Variants in RRAS2 observed in about 807,000 individuals in gnomAD.
The protein encoded by RRAS2 is RAS related 2.
A neutral mutation model predicts 27.6 loss-of-function variants in RRAS2; 7 were observed. The observed-to-expected ratio is 0.25, with a 90% CI of 0.14 to 0.48. The LOEUF (loss-of-function observed/expected upper bound fraction) is 0.48. Ranked by LOEUF, RRAS2 falls within the 20% of genes least tolerant of loss-of-function variation. The pLI is 0.99. For missense variants in RRAS2, 178 were observed against 256.2 expected (o/e 0.69, Z 2.08); for synonymous variants, 86 against 90.9 (o/e 0.95, Z 0.31).
rs1849136260 is a variant in RRAS2, at chr11:14,358,685, G to C, written c.108+78C>G. On this transcript the variant is annotated intron_variant, in intron 1 of 5. Transcript: ENST00000256196. This position sits in a 1 kb window ranked among gnomAD's most constrained non-coding sequence, Gnocchi z 5.1. ...CGAGGCGCCTCTGGGGCGAGGTCGCGGCGGCCGCCCCGCCACAGGTAGCGC... is the reference window on the plus strand; with the variant it reads ...CGAGGCGCCTCTGGGGCGAGGTCGCCGCGGCCGCCCCGCCACAGGTAGCGC... 1.9e-6 allele frequency: 2 copies of C among 1,045,036 alleles called. No individual in the cohort carries two copies. Among genetic ancestry groups the C allele is most frequent in the Non-Finnish European group, 2.3e-6 (2 of 868,438 alleles). 64.7% of individuals were successfully genotyped at this position (1,045,036 alleles called of 1,614,324 possible). A position where few individuals can be genotyped will look rare whatever the true frequency, so the allele number is the denominator to read the frequency against.
Position 14,279,177 on chromosome 11 carries a change from T to C in RRAS2, c.*160A>G. On this transcript the variant is annotated 3_prime_UTR_variant, in exon 6 of 6. Coordinates refer to ENST00000256196, the MANE Select transcript of RRAS2 (RefSeq NM_012250.6). ...TTTAAATTTGTCTGGAAATGACCAT[T>C]GTATTAGCTTCACAGAAAGGACTAG... 1 of 603,954 alleles carries C rather than the reference T, an allele frequency of 1.7e-6. No individual in the cohort carries two copies. Among genetic ancestry groups the C allele is most frequent in the Non-Finnish European group, 3.0e-6 (1 of 336,022 alleles). 37.4% of individuals were successfully genotyped at this position (603,954 alleles called of 1,614,324 possible).
Position 14,279,308 on chromosome 11 carries a change from G to A in RRAS2, c.*29C>T, listed in dbSNP as rs1475618028. On this transcript the variant is annotated 3_prime_UTR_variant, in exon 6 of 6. Coordinates refer to ENST00000256196, the MANE Select transcript of RRAS2 (RefSeq NM_012250.6). ...GAAAGAGAAGATGAGGGCTTTTCCT[G>A]GCCGTTGGTAGCTAAAACTGAAGGG... 4 of 1,495,214 alleles carry A rather than the reference G, an allele frequency of 2.7e-6. No homozygotes were observed. The highest frequency in any genetic ancestry group is 2.8e-5 in the African/African-American group (2 of 72,588). 92.6% of individuals were successfully genotyped at this position (1,495,214 alleles called of 1,614,324 possible). A position where few individuals can be genotyped will look rare whatever the true frequency, so the allele number is the denominator to read the frequency against.
At chr11:14,333,940 T>C (rs1554952235) in intron 1 of RRAS2, among the ~76,000 whole-genome samples, 1 of 152,230 alleles carries the variant, frequency 6.6e-6, no homozygotes, top group Non-Finnish European at 1.5e-5. Context: ...CCGCCCTTAC[T>C]TTTAATGAGC....
chr11:14,316,070 C>T (rs1320127640), intron 1 of RRAS2, among the ~76,000 whole-genome samples: 1 of 151,912 alleles, frequency 6.6e-6, no homozygotes, highest in Non-Finnish European at 1.5e-5. Context: ...AGCAGAAAGC[C>T]CAGATCAGAA....
intron 1 of RRAS2, among the ~76,000 whole-genome samples, chr11:14,320,601 TAATC>T (rs1465578605): frequency 6.6e-6 from 1 of 152,224 alleles, no homozygotes; most frequent in African/African-American, 2.4e-5. Flanking sequence ...AGATTCCCCT[TAATC>T]AATTATTTGT....
chr11:14,323,264 T>C lies in RRAS2; in HGVS notation c.109-27409A>G, dbSNP rs538748040. ...GAGTTTGAGATCAACCTGGGCAACA[T>C]AGTGAGACTTCATCTCTACAAAAAC... On this transcript the variant is annotated intron_variant, in intron 1 of 5. Transcript: ENST00000256196. Among the ~76,000 whole-genome samples the C allele has an allele frequency of 9.9e-5, 15 of 152,132 alleles. No homozygotes were observed. In the South Asian group the frequency reaches 2.3e-3, roughly 23 times the overall value.
Position 14,281,484 on chromosome 11 carries a change from T to C in RRAS2, c.527+118A>G, listed in dbSNP as rs1462897494. On this transcript the variant is annotated intron_variant, in intron 5 of 5. Transcript: ENST00000256196. ...AGTGCCTAGAATATGTACTTAAAAATTGTAATGCACCATGTGCATTAATCC... is the reference window on the plus strand; with the variant it reads ...AGTGCCTAGAATATGTACTTAAAAACTGTAATGCACCATGTGCATTAATCC... The C allele has an allele frequency of 1.1e-5, 7 of 653,832 alleles. No homozygotes were observed. The East Asian group carries it at 2.3e-4, about 22-fold the overall frequency. 40.5% of individuals were successfully genotyped at this position (653,832 alleles called of 1,614,324 possible).
At chr11:14,287,797 G>A (rs935120157) in intron 4 of RRAS2, among the ~76,000 whole-genome samples, 11 of 151,048 alleles carry the variant, frequency 7.3e-5, no homozygotes, top group African/African-American at 1.2e-4. Context: ...GCTTGAACCC[G>A]GGAGGTGGAG....
rs1293722122 is a variant in RRAS2, at chr11:14,278,127, T to A, written c.*1210A>T. On this transcript the variant is annotated 3_prime_UTR_variant, in exon 6 of 6. Transcript: ENST00000256196. ...AATCAGATGCCATCCACAGTTATACTAATTATCCATTAAAAGCTTACACTT... is the reference window on the plus strand; with the variant it reads ...AATCAGATGCCATCCACAGTTATACAAATTATCCATTAAAAGCTTACACTT... 1 of 152,242 alleles carries A rather than the reference T, an allele frequency of 6.6e-6. No homozygotes were observed. The highest frequency in any genetic ancestry group is 2.4e-5 in the African/African-American group (1 of 41,472). 9.4% of individuals were successfully genotyped at this position (152,242 alleles called of 1,614,324 possible).
chr11:14,338,151 A>G (rs1187200117), intron 1 of RRAS2, among the ~76,000 whole-genome samples: 1 of 152,236 alleles, frequency 6.6e-6, no homozygotes, highest in Non-Finnish European at 1.5e-5. Flanking sequence ...AAATGACAGT[A>G]TCAGTAGGTT....
At chr11:14,321,559 C>T (rs914778566) in intron 1 of RRAS2, among the ~76,000 whole-genome samples, 10 of 152,140 alleles carry the variant, frequency 6.6e-5, no homozygotes, top group African/African-American at 2.2e-4. Context: ...CCTATTAAGA[C>T]CACTTTAGCC....
rs535589182 is a variant in RRAS2 at position 14,298,103 on chromosome 11, A to G, written c.109-2248T>C. On this transcript the variant is annotated intron_variant, in intron 1 of 5. Transcript: ENST00000256196. Reference sequence around the variant, plus strand: ...GGCAACAATATTCTCTACACCCACTATTTTAAACAACAGGAATCAGCAGTC... The same window carrying G: ...GGCAACAATATTCTCTACACCCACTGTTTTAAACAACAGGAATCAGCAGTC... Among the ~76,000 whole-genome samples the G allele has an allele frequency of 7.9e-5, 12 of 152,252 alleles. No individual in the cohort carries two copies. In the South Asian group the frequency reaches 2.3e-3, roughly 29 times the overall value.
chr11:14,353,666 A>T (rs1554955103), intron 1 of RRAS2, among the ~76,000 whole-genome samples: 1 of 152,128 alleles, frequency 6.6e-6, no homozygotes, highest in African/African-American at 2.4e-5. Context: ...ACGCATGCAC[A>T]CAAACACACA....
intron 1 of RRAS2, among the ~76,000 whole-genome samples, chr11:14,301,797 G>A (rs1245274919): frequency 5.3e-5 from 8 of 152,000 alleles, no homozygotes; most frequent in African/African-American, 1.9e-4. Context: ...TGGCCAACAT[G>A]GTGAAACCCC....
chr11:14,293,914 T>C (rs2133960714), intron 4 of RRAS2, among the ~76,000 whole-genome samples: 1 of 152,240 alleles, frequency 6.6e-6, no homozygotes, highest in Admixed American at 6.5e-5. Context: ...AAGAAACAAG[T>C]GAGAATAAAT....
intron 1 of RRAS2, among the ~76,000 whole-genome samples, chr11:14,318,348 C>T (rs1335221686): frequency 3.9e-5 from 6 of 152,040 alleles, no homozygotes; most frequent in African/African-American, 1.4e-4. Flanking sequence ...ACTAAAAGCA[C>T]AAAAATTAGC....
At position 14,279,274 on chromosome 11, in the gene RRAS2, C is replaced by T; in HGVS notation, c.*63G>A. Reference sequence around the variant, plus strand: ...TAGAAAGGTACCAACAAGATGTAAACTGAGGAGAGAAAGAGAAGATGAGGG... The same window carrying T: ...TAGAAAGGTACCAACAAGATGTAAATTGAGGAGAGAAAGAGAAGATGAGGG... On this transcript the variant is annotated 3_prime_UTR_variant, in exon 6 of 6. Coordinates refer to ENST00000256196, the MANE Select transcript of RRAS2 (RefSeq NM_012250.6). 8.7e-7 allele frequency: 1 copy of T among 1,155,792 alleles called. No homozygotes were observed. 71.6% of individuals were successfully genotyped at this position (1,155,792 alleles called of 1,614,324 possible).
chr11:14,328,979 A>T, intron 1 of RRAS2, among the ~76,000 whole-genome samples: 1 of 118,264 alleles, frequency 8.5e-6, no homozygotes, highest in African/African-American at 3.0e-5. Context: ...ACCAAATTTT[A>T]TATATATGTG....
intron 4 of RRAS2, among the ~76,000 whole-genome samples, chr11:14,287,612 C>T (rs1186400297): frequency 2.0e-5 from 3 of 152,098 alleles, no homozygotes; most frequent in Non-Finnish European, 4.4e-5. Flanking sequence ...TGGCTCATGC[C>T]TGTAATCCAA....
Sources: gnomAD v4.1 joint callset for allele counts (sites outside exome capture counted in the v4.1 genomes callset) on GRCh38, gnomAD v4.1.1 for gene constraint, Gnocchi (gnomAD v3.1) non-coding constraint, MANE v1.5 for transcripts, NCBI Gene and HGNC (gene_info 2026-07-23, HGNC 2026-07-21) for gene names.